YEATS2: variants seen among roughly 807,000 people sequenced by gnomAD.
The protein encoded by YEATS2 is YEATS domain containing 2.
Under a neutral mutation model 163.2 loss-of-function variants are expected in YEATS2, and 77 were observed. The observed-to-expected ratio is 0.47, with a 90% CI of 0.39 to 0.57. The LOEUF is 0.57. YEATS2 is among the 20% of genes least tolerant of loss of function. The pLI, the probability that YEATS2 is intolerant of heterozygous loss-of-function variation, is 0.00. For missense variants in YEATS2, 1,549 were observed against 1,729.8 expected, an observed-to-expected ratio of 0.90 and a Z score of 1.85; for synonymous variants, 631 against 645.1, an observed-to-expected ratio of 0.98 and a Z score of 0.33.
intron 1 of YEATS2, among the ~76,000 whole-genome samples, chr3:183,707,033 T>C (rs1359069318): frequency 6.6e-6 from 1 of 152,236 alleles, no homozygotes; most frequent in Non-Finnish European, 1.5e-5. Context: ...GTGTGTAAGA[T>C]ATTTATGAAG....
intron 15 of YEATS2, among the ~76,000 whole-genome samples, chr3:183,762,510 AGGCAGGGGAACAC>A (rs1446882334): frequency 1.3e-5 from 2 of 152,232 alleles, no homozygotes; most frequent in African/African-American, 4.8e-5. Flanking sequence ...ATGGGCCAAG[AGGCAGGGGAACAC>A]TGCTGTCTCT....
chr3:183,807,225 C>A, intron 28 of YEATS2, 133 bp downstream of exon 28: 1 of 802,470 alleles, frequency 1.2e-6, no homozygotes, highest in Admixed American at 2.6e-5. Context: ...TCTTCTGGTG[C>A]CGTAGATGCT....
intron 8 of YEATS2, among the ~76,000 whole-genome samples, chr3:183,744,697 C>T (rs1208600528): frequency 6.6e-6 from 1 of 152,150 alleles, no homozygotes; most frequent in African/African-American, 2.4e-5. Flanking sequence ...TGTGATCCTT[C>T]TTTGTACGGT....
intron 21 of YEATS2, among the ~76,000 whole-genome samples, chr3:183,795,455 ATTTTTTTTTTTTT>A (rs573338439): frequency 0.25 from 19,848 of 79,906 alleles, 1,763 homozygotes; most frequent in East Asian, 0.47. Context: ...CACGGGACTA[ATTTTTTTTTTTTT>A]TTTTTTTTTT....
At chr3:183,770,033 A>G (rs906895370) in intron 15 of YEATS2, among the ~76,000 whole-genome samples, 2 of 152,076 alleles carry the variant, frequency 1.3e-5, no homozygotes, top group African/African-American at 4.8e-5. Flanking sequence ...TGCATGGTAA[A>G]TGTATTTTAC....
chr3:183,709,675 A>ATTT lies in YEATS2; in HGVS notation c.-19-5451_-19-5449dup, dbSNP rs774989436. Among the ~76,000 whole-genome samples the ATTT allele has an allele frequency of 3.8e-4, 47 of 125,162 alleles. No homozygotes were observed. In the East Asian group the frequency reaches 4.7e-3, roughly 12 times the overall value. 82.1% of individuals were successfully genotyped at this position (125,162 alleles called of 152,430 possible). A position where few individuals can be genotyped will look rare whatever the true frequency, so the allele number is the denominator to read the frequency against. On this transcript the variant is annotated intron_variant, in intron 1 of 30. Coordinates refer to ENST00000305135, the MANE Select transcript of YEATS2 (RefSeq NM_018023.5). ...TAATGAGGCTGTTTTAATGAGATAA[A>ATTT]TTTTTTTTTTTTTTTTTTTTGAGAC...
At chr3:183,776,951 T>C (rs1171864494) in intron 18 of YEATS2, among the ~76,000 whole-genome samples, 3 of 139,150 alleles carry the variant, frequency 2.2e-5, no homozygotes, top group Non-Finnish European at 4.6e-5. Flanking sequence ...AGACTCTGTC[T>C]CAAAAAAAAA....
intron 8 of YEATS2, among the ~76,000 whole-genome samples, chr3:183,745,764 C>CA (rs767511891): frequency 9.9e-5 from 15 of 152,166 alleles, no homozygotes; most frequent in Admixed American, 3.3e-4. Flanking sequence ...CTTCCCAAGC[C>CA]AACACATTGA....
intron 19 of YEATS2, among the ~76,000 whole-genome samples, chr3:183,780,477 C>T (rs778558165): frequency 3.8e-4 from 58 of 152,184 alleles, no homozygotes; most frequent in Non-Finnish European, 6.3e-4. Context: ...GTCTGTTTTT[C>T]GTAGTTGCTT....
At chr3:183,748,451 T>C (rs262966) in intron 9 of YEATS2, among the ~76,000 whole-genome samples, 66,614 of 151,678 alleles carry the variant, frequency 0.44, 15,035 homozygotes, top group East Asian at 0.65. Context: ...GGGGTTTCAC[T>C]ATGTTGGTCA....
At chr3:183,763,191 A>T (rs76071288) in intron 15 of YEATS2, among the ~76,000 whole-genome samples, 2 of 152,236 alleles carry the variant, frequency 1.3e-5, no homozygotes, top group African/African-American at 4.8e-5. Context: ...TTGTGTGAAC[A>T]TCGCAGTGTA....
chr3:183,701,051 ATG>A (rs141939254), intron 1 of YEATS2, among the ~76,000 whole-genome samples: 4,328 of 147,442 alleles, frequency 0.029, 88 homozygotes, highest in Middle Eastern at 0.06. Context: ...GTATATATAT[ATG>A]TGTGTGTGTG....
chr3:183,741,642 C>T (rs142385910), intron 8 of YEATS2, among the ~76,000 whole-genome samples: 1 of 151,882 alleles, frequency 6.6e-6, no homozygotes, highest in African/African-American at 2.4e-5. Flanking sequence ...AGTAGCTGGG[C>T]GTGGTGGGTC....
chr3:183,782,329 G>A (rs1292785425), intron 19 of YEATS2, among the ~76,000 whole-genome samples: 1 of 151,808 alleles, frequency 6.6e-6, no homozygotes, highest in Non-Finnish European at 1.5e-5. Context: ...GGCTGGTCTC[G>A]AACTCCTGAC....
chr3:183,747,826 C>A, intron 9 of YEATS2, 110 bp downstream of exon 9: 2 of 985,068 alleles, frequency 2.0e-6, no homozygotes, highest in Non-Finnish European at 3.1e-6. Context: ...GTCACCCAGG[C>A]TGGAGTGCAG....
intron 1 of YEATS2, among the ~76,000 whole-genome samples, chr3:183,713,494 C>T (rs1464696577): frequency 3.3e-5 from 5 of 152,070 alleles, no homozygotes; most frequent in East Asian, 3.9e-4. Context: ...ACCCGGGAGG[C>T]GGAGGCTGCA....
At position 183,808,113 on chromosome 3, in the gene YEATS2, C is replaced by G; in HGVS notation, c.4086+9C>G. ...AGGACATGATCCTGAAGGTGGGTGC[C>G]TGCAGGGGCCGCCAGCCAGGAAGGA... On this transcript the variant is annotated intron_variant, in intron 29 of 30. Transcript: ENST00000305135. 6.5e-7 allele frequency: 1 copy of G among 1,550,100 alleles called. No individual in the cohort carries two copies. Among genetic ancestry groups the G allele is most frequent in the Non-Finnish European group, 8.7e-7 (1 of 1,145,600 alleles).
At chr3:183,795,830 T>G (rs924532386) in intron 21 of YEATS2, among the ~76,000 whole-genome samples, 1 of 152,286 alleles carries the variant, frequency 6.6e-6, no homozygotes, top group East Asian at 1.9e-4. Flanking sequence ...CTGGAAGTAT[T>G]ACTACCTGAT....
At chr3:183,747,597 A>G in intron 8 of YEATS2, 75 bp from the exon 9 acceptor site, 3 of 1,277,702 alleles carry the variant, frequency 2.3e-6, no homozygotes, top group Non-Finnish European at 3.4e-6. Flanking sequence ...AGAGCTGTAG[A>G]TAAAGATTGT....
Sources: gnomAD v4.1 joint callset for allele counts (sites outside exome capture counted in the v4.1 genomes callset) on GRCh38, gnomAD v4.1.1 for gene constraint, MANE v1.5 for transcripts, NCBI Gene and HGNC (gene_info 2026-07-23, HGNC 2026-07-21) for gene names.